OIT3: variants seen among roughly 807,000 people sequenced by gnomAD.
The protein encoded by OIT3 is oncoprotein-induced transcript 3 protein.
A neutral mutation model predicts 52.2 loss-of-function variants in OIT3; 41 were observed. The observed-to-expected ratio is 0.79, with a 90% confidence interval of 0.61 to 1.02. The LOEUF (loss-of-function observed/expected upper bound fraction) is 1.02, where lower values mean the gene tolerates loss of function less well. Among genes scored for constraint, OIT3 ranks in the 50% least tolerant of loss-of-function variants. The probability of loss-of-function intolerance (pLI) is 0.00; values close to 1 mark genes in which losing one functional copy is unlikely to be tolerated. For missense variants in OIT3, 634 were observed against 715.5 expected (o/e 0.89, Z 1.30); for synonymous variants, 244 against 276.9 (o/e 0.88, Z 1.18).
intron 5 of OIT3, among the ~76,000 whole-genome samples, chr10:72,912,636 T>G (rs1846039293): frequency 6.6e-6 from 1 of 152,168 alleles, no homozygotes; most frequent in South Asian, 2.1e-4. Flanking sequence ...AATGGGCACC[T>G]ATTTTTGATT....
At chr10:72,911,908 C>T (rs1407724558) in intron 5 of OIT3, 69 bp downstream of exon 5, 5 of 1,436,010 alleles carry the variant, frequency 3.5e-6, no homozygotes, top group Admixed American at 2.1e-5. Context: ...AGCTCTTTGT[C>T]TTCCTCCCCC....
chr10:72,896,517 T>C (rs775309583), intron 1 of OIT3, among the ~76,000 whole-genome samples: 7 of 152,248 alleles, frequency 4.6e-5, no homozygotes, highest in Non-Finnish European at 1.0e-4. Context: ...TGCGTGTTAT[T>C]TCCAGAAAAT....
intron 6 of OIT3, among the ~76,000 whole-genome samples, chr10:72,920,461 G>T (rs554972441): frequency 6.6e-6 from 1 of 151,928 alleles, no homozygotes; most frequent in Admixed American, 6.6e-5. Context: ...GTTATTTCTT[G>T]TCTTCTGCTA....
chr10:72,924,167 G>A (rs7921735), intron 6 of OIT3, 62 bp from the exon 7 acceptor site: 137,142 of 1,397,472 alleles, frequency 0.098, 22,374 homozygotes, highest in African/African-American at 0.7. Context: ...AGAGGAGGGG[G>A]AAAAAAAACT....
Position 72,906,632 on chromosome 10 carries a change from G to T in OIT3, c.581G>T (p.Ser194Ile). The change falls in exon 4 of 9, where the codon AGT becomes ATT. Residue 194 changes from serine (S) to isoleucine (I), a missense_variant. Physicochemically the swap from Ser to Ile is moderately radical, Grantham distance 142. Transcript: ENST00000334011. ...TGTGAGCAAAACAACGGTGGCTGCA[G>T]TGAGATCTGTGTGAACCTCAAAAAC... ...NECEQNNGGC[S>I]EICVNLKNSY... The T allele has an allele frequency of 1.2e-6, 2 of 1,613,954 alleles. No individual in the cohort carries two copies. Among genetic ancestry groups the T allele is most frequent in the South Asian group, 2.2e-5 (2 of 91,066 alleles).
chr10:72,930,685 T>A (rs1356335737), intron 8 of OIT3, 48 bp downstream of exon 8: 1 of 1,198,238 alleles, frequency 8.3e-7, no homozygotes, highest in Non-Finnish European at 1.2e-6. Context: ...GAGCCTTTTT[T>A]TTTTTTTTTT....
chr10:72,899,487 C>T (rs1046858224), intron 2 of OIT3, among the ~76,000 whole-genome samples: 4 of 150,856 alleles, frequency 2.7e-5, no homozygotes, highest in East Asian at 3.9e-4. Flanking sequence ...CCCAGCTACC[C>T]GGGAGGCTGA....
At chr10:72,925,184 G>C (rs1846159928) in intron 7 of OIT3, among the ~76,000 whole-genome samples, 1 of 150,352 alleles carries the variant, frequency 6.7e-6, no homozygotes, top group Non-Finnish European at 1.5e-5. Flanking sequence ...CATTAACCAA[G>C]GTGAAAAGAT....
chr10:72,905,187 G>T (rs1159091885), intron 3 of OIT3, among the ~76,000 whole-genome samples: 1 of 152,132 alleles, frequency 6.6e-6, no homozygotes, highest in Non-Finnish European at 1.5e-5. Flanking sequence ...ATCTCAATAT[G>T]AGGCCAGGCA....
intron 3 of OIT3, 116 bp from the exon 4 acceptor site, chr10:72,906,480 T>A: frequency 9.1e-7 from 1 of 1,096,014 alleles, no homozygotes; most frequent in Admixed American, 1.9e-5. Context: ...GAGGGGGAGC[T>A]GGATGGTGGA....
intron 3 of OIT3, among the ~76,000 whole-genome samples, chr10:72,902,093 C>T (rs1040698242): frequency 1.5e-4 from 23 of 151,966 alleles, no homozygotes; most frequent in African/African-American, 4.8e-4. Flanking sequence ...ATAAAGCCTC[C>T]TAAATGAACC....
intron 6 of OIT3, chr10:72,918,122 T>G: frequency 7.1e-7 from 1 of 1,402,700 alleles, no homozygotes. Context: ...GCTTTCCAGT[T>G]ATACTTAAGA....
At position 72,900,479 on chromosome 10, in the gene OIT3, G is replaced by A; in HGVS notation, c.539G>A (p.Cys180Tyr). 1 of 1,582,118 alleles carries A rather than the reference G, an allele frequency of 6.3e-7. No individual in the cohort carries two copies. Among genetic ancestry groups the A allele is most frequent in the Non-Finnish European group, 8.7e-7 (1 of 1,151,672 alleles). ...GTVLGPDRQT[C>Y]FDENECEQNN... ...GTGCTAGGCCCTGACAGGCAGACAT[G>A]CTTTGGTAAGAAACTCATCAAAGGT... is the stretch of plus-strand genomic sequence containing the variant. The change falls in exon 3 of 9, where the codon TGC (cysteine) becomes TAC (tyrosine). Residue 180 changes from cysteine to tyrosine, a missense_variant. Transcript: ENST00000334011.
intron 6 of OIT3, among the ~76,000 whole-genome samples, chr10:72,923,604 C>T (rs1334927630): frequency 6.6e-6 from 1 of 152,236 alleles, no homozygotes; most frequent in African/African-American, 2.4e-5. Context: ...GTGGCCTGCC[C>T]CTTCCTCTGG....
intron 1 of OIT3, among the ~76,000 whole-genome samples, chr10:72,896,434 A>G (rs533027222): frequency 6.6e-6 from 1 of 152,330 alleles, no homozygotes; most frequent in East Asian, 1.9e-4. Flanking sequence ...TCAAAGGATT[A>G]TGGTCTAGGG....
At position 72,897,610 on chromosome 10, in the gene OIT3, T is replaced by C. The variant is rs571533275; in HGVS notation, c.62-1054T>C. Among the ~76,000 whole-genome samples the C allele has an allele frequency of 9.8e-5, 15 of 152,306 alleles. No individual in the cohort carries two copies. In the East Asian group the frequency reaches 2.5e-3, roughly 25 times the overall value. On this transcript the variant is annotated intron_variant, in intron 1 of 8. Transcript: ENST00000334011. ...GTGCCCGAGGCCTTTTTCTTTTCAG[T>C]GGAATGAGCTTTTACACATTCCTGA...
chr10:72,900,349 C>T (rs1033817427), intron 2 of OIT3, 28 bp from the exon 3 acceptor site: 2 of 1,282,570 alleles, frequency 1.6e-6, no homozygotes, highest in Non-Finnish European at 1.1e-6. Context: ...CTCCTGCCCT[C>T]ATGAAGATAA....
chr10:72,912,452 G>A (rs528902699), intron 5 of OIT3, among the ~76,000 whole-genome samples: 9 of 151,832 alleles, frequency 5.9e-5, no homozygotes, highest in African/African-American at 9.7e-5. Context: ...TGCATTTTTA[G>A]TAGAGACGGG....
At chr10:72,914,166 G>C (rs1846054197) in intron 6 of OIT3, among the ~76,000 whole-genome samples, 1 of 152,156 alleles carries the variant, frequency 6.6e-6, no homozygotes, top group African/African-American at 2.4e-5. Flanking sequence ...GTCTCTGAGA[G>C]GGGATATGCA....
Sources: allele counts gnomAD v4.1 joint callset (sites outside exome capture counted in the v4.1 genomes callset), GRCh38; gene constraint gnomAD v4.1.1; transcripts MANE v1.5; gene names NCBI Gene and HGNC (gene_info 2026-07-23, HGNC 2026-07-21).